Variants in RFTN1 observed in about 807,000 individuals in gnomAD.
The protein encoded by RFTN1 is raftlin, lipid raft linker 1.
Under a neutral mutation model 46.5 loss-of-function variants are expected in RFTN1, and 26 were observed. That is an observed-to-expected ratio of 0.56 (90% confidence interval 0.41 to 0.78). The LOEUF (loss-of-function observed/expected upper bound fraction) is 0.78. Among genes scored for constraint, RFTN1 ranks in the 30% least tolerant of loss-of-function variants. The pLI is 0.00. For synonymous variants in RFTN1, 261 were observed against 284.2 expected (o/e 0.92, Z 0.82); for missense variants, 693 against 718.7 (o/e 0.96, Z 0.41).
At chr3:16,391,422 A>T (rs1332584326) in intron 4 of RFTN1, among the ~76,000 whole-genome samples, 1 of 152,204 alleles carries the variant, frequency 6.6e-6, no homozygotes, top group African/African-American at 2.4e-5. Flanking sequence ...AACACATAAG[A>T]AGTCAAAAGT....
chr3:16,478,270 C>T (rs2124963384), intron 2 of RFTN1, among the ~76,000 whole-genome samples: 1 of 152,322 alleles, frequency 6.6e-6, no homozygotes, highest in East Asian at 1.9e-4. Flanking sequence ...AATTAAAACC[C>T]ATTTCCACCT....
chr3:16,323,397 T>G lies in RFTN1; in HGVS notation c.1311A>C (p.Lys437Asn). Residue 437 changes from lysine (K) to asparagine (N), a missense_variant, in exon 9 of 10, where the codon AAA becomes AAC. Transcript: ENST00000334133. ...TTACCTTCGATTCCTTCTTCTTGATTTTCTGAGGTAGACAAGGTCTCTGAA... is the reference window on the plus strand; with the variant it reads ...TTACCTTCGATTCCTTCTTCTTGATGTTCTGAGGTAGACAAGGTCTCTGAA... ...VFLQRPCLPQKIKKKESKFQW... is the reference protein window; with the variant it reads ...VFLQRPCLPQNIKKKESKFQW... 2.5e-6 allele frequency: 4 copies of G among 1,610,802 alleles called. No individual in the cohort carries two copies. Among genetic ancestry groups the G allele is most frequent in the Non-Finnish European group, 3.4e-6 (4 of 1,177,100 alleles).
At chr3:16,390,092 G>A (rs1371480168) in intron 4 of RFTN1, among the ~76,000 whole-genome samples, 1 of 152,198 alleles carries the variant, frequency 6.6e-6, no homozygotes, top group Non-Finnish European at 1.5e-5. Context: ...ATGTGAAATG[G>A]AGATTAGCTG....
chr3:16,375,764 T>C (rs2073745100), intron 5 of RFTN1, among the ~76,000 whole-genome samples: 1 of 152,186 alleles, frequency 6.6e-6, no homozygotes, highest in African/African-American at 2.4e-5. Flanking sequence ...GCTGAAATTC[T>C]CATCCACTGG....
intron 4 of RFTN1, among the ~76,000 whole-genome samples, chr3:16,379,303 C>A (rs1274604661): frequency 6.6e-6 from 1 of 152,254 alleles, no homozygotes; most frequent in Non-Finnish European, 1.5e-5. Flanking sequence ...TGGAAAACTG[C>A]AGTTGCAAAC....
intron 6 of RFTN1, among the ~76,000 whole-genome samples, chr3:16,367,849 G>A (rs73144316): frequency 0.015 from 2,250 of 152,144 alleles, 61 homozygotes; most frequent in African/African-American, 0.051. Flanking sequence ...GTTCTTTCTT[G>A]GAGGTCTTAG....
At position 16,479,325 on chromosome 3, in the gene RFTN1, G is replaced by C. The variant is rs1187197432; in HGVS notation, c.145+14400C>G. ...ATTTTCTTGGTTTTTAGTTGTTTTAGGCTAATTCATTAAATGAAGTCCACA... is the reference window on the plus strand; with the variant it reads ...ATTTTCTTGGTTTTTAGTTGTTTTACGCTAATTCATTAAATGAAGTCCACA... On this transcript the variant is annotated intron_variant, in intron 2 of 9. Coordinates refer to ENST00000334133, the MANE Select transcript of RFTN1 (RefSeq NM_015150.2). The surrounding 1 kb of genome is among the most constrained non-coding windows in gnomAD (Gnocchi z 5.1). 6.6e-6 allele frequency among the ~76,000 whole-genome samples: 1 copy of C among 152,162 alleles called. No individual in the cohort carries two copies. Among genetic ancestry groups the C allele is most frequent in the African/African-American group, 2.4e-5 (1 of 41,418 alleles).
At chr3:16,319,324 T>C (rs1403279971) in intron 9 of RFTN1, among the ~76,000 whole-genome samples, 2 of 152,226 alleles carry the variant, frequency 1.3e-5, no homozygotes, top group Non-Finnish European at 2.9e-5. Context: ...CTAAGAGGCC[T>C]TAAGTGCTAA....
chr3:16,331,291 T>TA (rs2070284486), intron 7 of RFTN1, among the ~76,000 whole-genome samples: 1 of 152,256 alleles, frequency 6.6e-6, no homozygotes, highest in Non-Finnish European at 1.5e-5. Context: ...TTATTTTACT[T>TA]ATCAGTTTTA....
rs1559312739 is a variant in RFTN1, at chr3:16,385,059, A to G, written c.442-6957T>C. 6.6e-6 allele frequency among the ~76,000 whole-genome samples: 1 copy of G among 152,150 alleles called. No homozygotes were observed. Among genetic ancestry groups the G allele is most frequent in the Non-Finnish European group, 1.5e-5 (1 of 68,012 alleles). ...CCACTGCCCACTCCGGCCCTCCCTC[A>G]TAACTCACACGCCCCCGATCCGTGA... On this transcript the variant is annotated intron_variant, in intron 4 of 9. Coordinates refer to ENST00000334133, the MANE Select transcript of RFTN1 (RefSeq NM_015150.2). This position sits in a 1 kb window ranked among gnomAD's most constrained non-coding sequence, Gnocchi z 5.0.
At position 16,447,226 on chromosome 3, in the gene RFTN1, T is replaced by G. The variant is rs189133579; in HGVS notation, c.146-13189A>C. On this transcript the variant is annotated intron_variant, in intron 2 of 9. Transcript: ENST00000334133. This position sits in a 1 kb window ranked among gnomAD's most constrained non-coding sequence, Gnocchi z 5.9. ...TGTAAATGCATTTTAACAAATAATA[T>G]TCCTCTGTCTTATGACATCACAAAA... Among the ~76,000 whole-genome samples, 908 of 152,306 alleles carry G rather than the reference T, an allele frequency of 6.0e-3. 17 individuals carry two copies. Among genetic ancestry groups the G allele is most frequent in the Non-Finnish European group, 4.5e-3 (304 of 68,030 alleles).
Position 16,429,008 on chromosome 3 carries a change from AG to A in RFTN1, c.332+4842del. The stretch of plus-strand genomic sequence containing the variant: ...TCCAAAGAAAGAGTTGAGAAAATGA[AG>A]TACAAACTCTCTTTCTACTTATTCA... On this transcript the variant is annotated intron_variant, in intron 3 of 9. Coordinates refer to ENST00000334133, the MANE Select transcript of RFTN1 (RefSeq NM_015150.2). The surrounding 1 kb of genome is among the most constrained non-coding windows in gnomAD (Gnocchi z 6.4). Among the ~76,000 whole-genome samples, 1 of 152,386 alleles carries A rather than the reference AG, an allele frequency of 6.6e-6. No homozygotes were observed. Among genetic ancestry groups the A allele is most frequent in the South Asian group, 2.1e-4 (1 of 4,828 alleles).
intron 4 of RFTN1, among the ~76,000 whole-genome samples, chr3:16,399,597 T>C (rs2074554603): frequency 6.6e-6 from 1 of 152,216 alleles, no homozygotes; most frequent in Non-Finnish European, 1.5e-5. Context: ...CTCTGAATGC[T>C]GGAATTCCCC....
rs1303130447 is a variant in RFTN1 at position 16,402,253 on chromosome 3, A to G, written c.441+7122T>C. On this transcript the variant is annotated intron_variant, in intron 4 of 9. Coordinates refer to ENST00000334133, the MANE Select transcript of RFTN1 (RefSeq NM_015150.2). This position sits in a 1 kb window ranked among gnomAD's most constrained non-coding sequence, Gnocchi z 4.5. The stretch of plus-strand genomic sequence containing the variant: ...AGTGAGTATTCCTCTTTCTCTTTCA[A>G]TGTATCCATTAACTCGACGCTTATG... Among the ~76,000 whole-genome samples, 1 of 152,054 alleles carries G rather than the reference A, an allele frequency of 6.6e-6. No individual in the cohort carries two copies. Among genetic ancestry groups the G allele is most frequent in the Non-Finnish European group, 1.5e-5 (1 of 68,016 alleles).
In RFTN1 at chr3:16,465,253, G is replaced by GT. The variant is rs1272741511; in HGVS notation, c.145+28471dup. On this transcript the variant is annotated intron_variant, in intron 2 of 9. Transcript: ENST00000334133. The surrounding 1 kb of genome is among the most constrained non-coding windows in gnomAD (Gnocchi z 5.1). ...AAAAAAGCCTTAGTATTTCATAGAG[G>GT]TTTTTGTTGTTGTTGTTCAGAAAAT... 2.0e-5 allele frequency among the ~76,000 whole-genome samples: 3 copies of GT among 151,956 alleles called. No homozygotes were observed. The highest frequency in any genetic ancestry group is 7.3e-5 in the African/African-American group (3 of 41,370).
intron 7 of RFTN1, among the ~76,000 whole-genome samples, chr3:16,332,538 G>A (rs2070428419): frequency 6.6e-6 from 1 of 151,958 alleles, no homozygotes; most frequent in Non-Finnish European, 1.5e-5. Context: ...GACAGAGATG[G>A]GGAACTAGGG....
intron 1 of RFTN1, among the ~76,000 whole-genome samples, chr3:16,501,745 C>T (rs567123532): frequency 8.5e-5 from 13 of 152,274 alleles, no homozygotes; most frequent in South Asian, 2.1e-4. Flanking sequence ...TACATGATAA[C>T]GACATCTCTC....
intron 4 of RFTN1, among the ~76,000 whole-genome samples, chr3:16,394,916 G>T (rs1278533257): frequency 2.0e-5 from 3 of 151,992 alleles, no homozygotes; most frequent in Non-Finnish European, 4.4e-5. Context: ...CAAACAATTT[G>T]GAAGAAAGTA....
intron 2 of RFTN1, among the ~76,000 whole-genome samples, chr3:16,477,957 G>A (rs375083848): frequency 6.6e-6 from 1 of 152,202 alleles, no homozygotes; most frequent in Non-Finnish European, 1.5e-5. Flanking sequence ...CTAAGCATGT[G>A]TCTCCACAGT....
Sources: gnomAD v4.1 joint callset for allele counts (sites outside exome capture counted in the v4.1 genomes callset) on GRCh38, gnomAD v4.1.1 for gene constraint, Gnocchi (gnomAD v3.1) non-coding constraint, MANE v1.5 for transcripts, NCBI Gene and HGNC (gene_info 2026-07-23, HGNC 2026-07-21) for gene names.